Variants in WDHD1 observed in about 807,000 individuals in gnomAD.
The protein encoded by WDHD1 is WD repeat and HMG-box DNA binding protein 1, also known as WD repeat and HMG-box DNA-binding protein 1.
A neutral mutation model predicts 135.4 loss-of-function variants in WDHD1; 111 were observed. That is an observed-to-expected ratio of 0.82 (90% CI 0.70 to 0.96). WDHD1 has a LOEUF of 0.96. Ranked by LOEUF, WDHD1 falls within the 40% of genes least tolerant of loss-of-function variation. The probability of loss-of-function intolerance (pLI) is 0.00; values close to 1 mark genes in which losing one functional copy is unlikely to be tolerated. For missense variants in WDHD1, 1,351 were observed against 1,336.3 expected (o/e 1.01, Z -0.17); for synonymous variants, 434 against 439.0 (o/e 0.99, Z 0.14).
At chr14:54,942,726 A>G (rs2040859151) in intron 25 of WDHD1, among the ~76,000 whole-genome samples, 1 of 152,196 alleles carries the variant, frequency 6.6e-6, no homozygotes, top group South Asian at 2.1e-4. Context: ...CTTTTAATCT[A>G]TAATAGTTCC....
chr14:54,952,608 T>C (rs544681503), intron 24 of WDHD1, among the ~76,000 whole-genome samples: 121 of 152,294 alleles, frequency 7.9e-4, no homozygotes, highest in African/African-American at 2.6e-3. Flanking sequence ...CATCAAGCTA[T>C]CAATGACTTT....
At chr14:54,996,638 T>C (rs983543949) in intron 10 of WDHD1, among the ~76,000 whole-genome samples, 5 of 152,050 alleles carry the variant, frequency 3.3e-5, no homozygotes, top group African/African-American at 1.2e-4. Flanking sequence ...AAAAGTGAAA[T>C]GGTAAGCAGA....
At chr14:54,951,059 T>C (rs1457894247) in intron 24 of WDHD1, among the ~76,000 whole-genome samples, 1 of 151,948 alleles carries the variant, frequency 6.6e-6, no homozygotes, top group Non-Finnish European at 1.5e-5. Context: ...ATATCTAAAA[T>C]TGACACCCTA....
At chr14:54,954,113 T>TA (rs34581857) in intron 24 of WDHD1, among the ~76,000 whole-genome samples, 5,932 of 142,122 alleles carry the variant, frequency 0.042, 396 homozygotes, top group African/African-American at 0.14. Flanking sequence ...TAAAAGTATT[T>TA]AAAAAAAAAA....
chr14:54,993,022 T>A (rs1045940369), intron 11 of WDHD1, among the ~76,000 whole-genome samples: 1 of 152,216 alleles, frequency 6.6e-6, no homozygotes, highest in Non-Finnish European at 1.5e-5. Context: ...TCTATAAACT[T>A]CAGTGAACCA....
chr14:54,949,027 T>C (rs1014557748), intron 24 of WDHD1, among the ~76,000 whole-genome samples: 3 of 151,746 alleles, frequency 2.0e-5, no homozygotes, highest in Admixed American at 1.3e-4. Flanking sequence ...AGACCAAAGA[T>C]AGATGAAACC....
chr14:55,019,969 A>G (rs1459689131), intron 2 of WDHD1, among the ~76,000 whole-genome samples: 2 of 152,164 alleles, frequency 1.3e-5, no homozygotes, highest in African/African-American at 4.8e-5. Flanking sequence ...ATGATTACCA[A>G]CGCATTTCTT....
rs781627153 is a variant in WDHD1 at position 54,955,594 on chromosome 14, GC to G, written c.3016del (p.Ala1006LeufsTer21). 2.5e-6 allele frequency: 4 copies of G among 1,592,678 alleles called. No individual in the cohort carries two copies. The South Asian group carries it at 4.6e-5, about 18-fold the overall frequency. On this transcript the variant is annotated frameshift_variant, in exon 24 of 26. Coordinates refer to ENST00000360586, the MANE Select transcript of WDHD1 (RefSeq NM_007086.4). LOFTEE classifies it high-confidence loss of function. ...TTCAGTGTTTTGAGGAGGACATATA[GC>G]TGGGGTTTCAGATAATACATTTTTA... The part of the protein sequence containing the change: ...NLKNVLSETP[A>X]ICPPQNTENQ...
rs377477139 is a variant in WDHD1, at chr14:54,975,548, A to G, written c.2063+5992T>C. 2.0e-5 allele frequency among the ~76,000 whole-genome samples: 3 copies of G among 152,136 alleles called. No homozygotes were observed. In the South Asian group the frequency reaches 6.2e-4, roughly 31 times the overall value. ...TTTTTAGTAGAGACAGGGTTTCACC[A>G]TGTTGGCCAGGATAGTCTCAAACTC... On this transcript the variant is annotated intron_variant, in intron 16 of 25. Coordinates refer to ENST00000360586, the MANE Select transcript of WDHD1 (RefSeq NM_007086.4).
Position 54,955,651 on chromosome 14 carries a change from T to C in WDHD1, c.2960A>G (p.Asn987Ser). The stretch of plus-strand genomic sequence containing the variant: ...TTCTTCTTTCACTTCCTCAGTTTTA[T>C]TAGTTTGAGAATTTCTTTTCTGGAA... ...SYFQKRNSQT[N>S]KTEEVKEENL... is the part of the protein sequence containing the mutation. The change falls in exon 24 of 26, where the codon AAT (asparagine) becomes AGT (serine). Residue 987 changes from asparagine to serine, a missense_variant. Physicochemically the swap from Asn to Ser is conservative, Grantham distance 46 (BLOSUM62 1). Around this residue, in one of 2 missense-constraint regions of WDHD1, gnomAD observed 1,330 missense variants for 1,296.1 expected, o/e 1.03. Coordinates refer to ENST00000360586, the MANE Select transcript of WDHD1 (RefSeq NM_007086.4). 1 of 1,588,824 alleles carries C rather than the reference T, an allele frequency of 6.3e-7. No homozygotes were observed. The highest frequency in any genetic ancestry group is 8.5e-7 in the Non-Finnish European group (1 of 1,170,630).
chr14:54,989,376 A>T lies in WDHD1; in HGVS notation c.1342-164T>A, dbSNP rs183500985. Among the ~76,000 whole-genome samples, 73 of 152,284 alleles carry T rather than the reference A, an allele frequency of 4.8e-4. 1 individual carries two copies. The highest frequency in any genetic ancestry group is 1.7e-3 in the African/African-American group (70 of 41,564). ...CTATCTCTAAATAGTTTCTGACAGGAGTCATAATACCAGAGCTACAATTAC... is the reference window on the plus strand; with the variant it reads ...CTATCTCTAAATAGTTTCTGACAGGTGTCATAATACCAGAGCTACAATTAC... On this transcript the variant is annotated intron_variant, in intron 12 of 25. Coordinates refer to ENST00000360586, the MANE Select transcript of WDHD1 (RefSeq NM_007086.4).
intron 3 of WDHD1, 22 bp downstream of exon 3, chr14:55,013,463 T>C (rs758781353): frequency 5.3e-6 from 8 of 1,499,176 alleles, no homozygotes; most frequent in Admixed American, 3.3e-5. Flanking sequence ...TTCATATCAA[T>C]TGATATAACT....
intron 24 of WDHD1, among the ~76,000 whole-genome samples, chr14:54,954,406 G>A (rs1052721047): frequency 1.3e-5 from 2 of 152,360 alleles, no homozygotes; most frequent in African/African-American, 4.8e-5. Flanking sequence ...TGCTAAAGGT[G>A]TATAAAATGA....
intron 4 of WDHD1, 132 bp downstream of exon 4, chr14:55,010,177 G>C (rs746147054): frequency 1.0e-6 from 1 of 1,003,006 alleles, no homozygotes; most frequent in Non-Finnish European, 1.4e-6. Context: ...ACCTTTACTA[G>C]ATAAAAGAAT....
intron 24 of WDHD1, among the ~76,000 whole-genome samples, chr14:54,951,976 T>A (rs970451572): frequency 2.6e-5 from 4 of 152,226 alleles, no homozygotes; most frequent in African/African-American, 4.8e-5. Context: ...AAATTAGGTA[T>A]TGATGGGATG....
intron 16 of WDHD1, among the ~76,000 whole-genome samples, chr14:54,967,707 A>G (rs2041367930): frequency 6.6e-6 from 1 of 151,934 alleles, no homozygotes; most frequent in Admixed American, 6.6e-5. Context: ...TGAAGCCCCA[A>G]CCTCCCAAGT....
chr14:54,957,122 G>A lies in WDHD1; in HGVS notation c.2828C>T (p.Ser943Phe). Residue 943 changes from serine to phenylalanine, a missense_variant, in exon 23 of 26, where the codon TCC becomes TTC. Transcript: ENST00000360586. ...TNILDNMGKS[S>F]KKSTALSRTT... is the part of the protein sequence containing the mutation. Reference sequence around the variant, plus strand: ...TCGACTAAGTGCAGTGGATTTCTTGGATGATTTGCCCATATTGTCTAAAAT... The same window carrying A: ...TCGACTAAGTGCAGTGGATTTCTTGAATGATTTGCCCATATTGTCTAAAAT... The A allele has an allele frequency of 6.2e-7, 1 of 1,614,136 alleles. No homozygotes were observed. Among genetic ancestry groups the A allele is most frequent in the Non-Finnish European group, 8.5e-7 (1 of 1,180,016 alleles).
intron 2 of WDHD1, among the ~76,000 whole-genome samples, chr14:55,023,370 T>C (rs998604950): frequency 6.6e-6 from 1 of 152,250 alleles, no homozygotes; most frequent in Admixed American, 6.5e-5. Context: ...CCTGCTGGCA[T>C]AGCTGCAGTA....
intron 12 of WDHD1, among the ~76,000 whole-genome samples, chr14:54,989,889 C>G (rs901911527): frequency 6.6e-6 from 1 of 152,076 alleles, no homozygotes; most frequent in Non-Finnish European, 1.5e-5. Context: ...GTCTCCAACT[C>G]CTATCCTCAA....
Sources: gnomAD v4.1 joint callset for allele counts (sites outside exome capture counted in the v4.1 genomes callset) on GRCh38, gnomAD v4.1.1 for gene constraint, gnomAD v4.1.1 regional missense constraint, MANE v1.5 for transcripts, NCBI Gene and HGNC (gene_info 2026-07-23, HGNC 2026-07-21) for gene names.